DNAH6: variants seen among roughly 807,000 people sequenced by gnomAD.
DNAH6 encodes dynein axonemal heavy chain 6.
A neutral mutation model predicts 491.4 loss-of-function variants in DNAH6; 340 were observed. The ratio of observed to expected loss-of-function variants is 0.69; its 90% confidence interval spans 0.63 to 0.76. DNAH6 has a LOEUF of 0.76. Ranked by LOEUF, DNAH6 falls within the 30% of genes least tolerant of loss-of-function variation. The pLI is 0.00. For synonymous variants in DNAH6, 1,603 were observed against 1,686.1 expected (o/e 0.95, Z 1.21); for missense variants, 4,443 against 4,972.2 (o/e 0.89, Z 3.20).
At chr2:84,492,801 C>T in the DNAH6 span, among the ~76,000 whole-genome samples, 1 of 152,128 alleles carries the variant, frequency 6.6e-6, no homozygotes, top group Admixed American at 6.5e-5. Context: ...CATTTGAAAC[C>T]ACAATTTCTG....
At chr2:84,811,280 A>G (rs2105334926) in intron 72 of DNAH6, among the ~76,000 whole-genome samples, 1 of 152,338 alleles carries the variant, frequency 6.6e-6, no homozygotes, top group South Asian at 2.1e-4. Flanking sequence ...TGCTTAGTCA[A>G]CATAAATTTT....
At chr2:84,750,666 A>G (rs913315691) in intron 63 of DNAH6, 1 of 152,216 alleles carries the variant, frequency 6.6e-6, no homozygotes, top group African/African-American at 2.4e-5. Context: ...TGGGTGAAGC[A>G]TCAAGTTCAC....
At chr2:84,507,109 A>T in the DNAH6 span, among the ~76,000 whole-genome samples, 1 of 151,964 alleles carries the variant, frequency 6.6e-6, no homozygotes, top group African/African-American at 2.4e-5. Flanking sequence ...GAAGAAAGTC[A>T]TTGGTAGCTT....
the DNAH6 span, among the ~76,000 whole-genome samples, chr2:84,466,908 T>G: frequency 1.3e-5 from 2 of 152,250 alleles, no homozygotes; most frequent in African/African-American, 4.8e-5. Context: ...TTACTGATAA[T>G]GTACACTAAG....
At position 84,653,742 on chromosome 2, in the gene DNAH6, G is replaced by A. The variant is rs1203204942; in HGVS notation, c.5502G>A (p.Trp1834Ter). 1 of 1,551,264 alleles carries A rather than the reference G, an allele frequency of 6.4e-7. No individual in the cohort carries two copies. The highest frequency in any genetic ancestry group is 8.7e-7 in the Non-Finnish European group (1 of 1,146,662). Residue 1834 changes from tryptophan (W) to a stop codon, truncating the protein, a stop_gained, in exon 34 of 77, where the codon TGG (tryptophan) becomes TGA (stop). Coordinates refer to ENST00000389394, the MANE Select transcript of DNAH6 (RefSeq NM_001370.2). LOFTEE classifies it high-confidence loss of function. ...ATGATACTTCAGAAGACCATAAATG[G>A]ATCATCAGTGATGGGCCAGTAGATG... ...AVNDTSEDHK[W>*]IISDGPVDAL...
the DNAH6 span, among the ~76,000 whole-genome samples, chr2:84,486,282 A>G: frequency 6.6e-6 from 1 of 152,204 alleles, no homozygotes; most frequent in Non-Finnish European, 1.5e-5. Context: ...TACTTTAAGT[A>G]TGGAATACAA....
intron 63 of DNAH6, among the ~76,000 whole-genome samples, chr2:84,753,751 CTGTTA>C (rs1673698312): frequency 1.3e-5 from 1 of 76,114 alleles, no homozygotes; most frequent in Non-Finnish European, 2.4e-5. Flanking sequence ...GAGTGAAACT[CTGTTA>C]AAAAAAAAAA....
intron 52 of DNAH6, 64 bp downstream of exon 52, chr2:84,705,811 T>A: frequency 2.0e-6 from 3 of 1,482,494 alleles, no homozygotes; most frequent in Middle Eastern, 1.8e-4. Context: ...CATTTCAAGT[T>A]CTCTGTATAA....
intron 64 of DNAH6, among the ~76,000 whole-genome samples, chr2:84,767,138 A>G (rs930513926): frequency 1.3e-5 from 2 of 152,212 alleles, no homozygotes; most frequent in Non-Finnish European, 2.9e-5. Flanking sequence ...TAATGGATAT[A>G]CGACATTAAT....
Position 84,796,435 on chromosome 2 carries a change from T to TTTTCAATATTA in DNAH6, c.11359+11_11359+21dup. 1 of 1,493,588 alleles carries TTTTCAATATTA rather than the reference T, an allele frequency of 6.7e-7. No individual in the cohort carries two copies. The highest frequency in any genetic ancestry group is 9.0e-7 in the Non-Finnish European group (1 of 1,117,258). 92.5% of individuals were successfully genotyped at this position (1,493,588 alleles called of 1,614,324 possible). A position where few individuals can be genotyped will look rare whatever the true frequency, so the allele number is the denominator to read the frequency against. Reference sequence around the variant, plus strand: ...AAATACTCTGAATCAGGTGAATGACTTTTCAATATTACAGAAAAGGCCTTT... The same window carrying TTTTCAATATTA: ...AAATACTCTGAATCAGGTGAATGACTTTTCAATATTATTTCAATATTACAGAAAAGGCCTTT... On this transcript the variant is annotated intron_variant, in intron 69 of 76. Transcript: ENST00000389394.
In DNAH6 at chr2:84,759,168, GA is replaced by G. The variant is rs199742560; in HGVS notation, c.10513-3585del. Among the ~76,000 whole-genome samples, 193 of 150,608 alleles carry G rather than the reference GA, an allele frequency of 1.3e-3. 5 individuals carry two copies. The East Asian group carries it at 0.032, about 25-fold the overall frequency. On this transcript the variant is annotated intron_variant, in intron 63 of 76. Coordinates refer to ENST00000389394, the MANE Select transcript of DNAH6 (RefSeq NM_001370.2). Reference sequence around the variant, plus strand: ...TAGATATTGATAATGATCTAGCTGAGAATGAAATTAAGAAGGTAAACCCATT... The same window carrying G: ...TAGATATTGATAATGATCTAGCTGAGATGAAATTAAGAAGGTAAACCCATT...
At position 84,525,738 on chromosome 2, in the gene DNAH6, G is replaced by A; in HGVS notation, c.399G>A (p.Gln133=). The A allele has an allele frequency of 6.5e-7, 1 of 1,533,276 alleles. No individual in the cohort carries two copies. Among genetic ancestry groups the A allele is most frequent in the Admixed American group, 2.2e-5 (1 of 45,738 alleles). 95.0% of individuals were successfully genotyped at this position (1,533,276 alleles called of 1,614,324 possible). A position where few individuals can be genotyped will look rare whatever the true frequency, so the allele number is the denominator to read the frequency against. ...ATCAAGATGCTGTGAAAAAAATGCA[G>A]GTATAATATTAAAATACTTAATTGA... The part of the protein sequence containing the change: ...LEHQDAVKKM[Q]IHRPYVEVFS... Residue 133 remains glutamine, a splice_region_variant and synonymous_variant, in exon 3 of 77, where the codon CAG becomes CAA. Coordinates refer to ENST00000389394, the MANE Select transcript of DNAH6 (RefSeq NM_001370.2).
At position 84,686,576 on chromosome 2, in the gene DNAH6, C is replaced by T; in HGVS notation, c.7137+19C>T. The T allele has an allele frequency of 7.5e-7, 1 of 1,324,784 alleles. No individual in the cohort carries two copies. The highest frequency in any genetic ancestry group is 1.0e-6 in the Non-Finnish European group (1 of 959,292). 82.1% of individuals were successfully genotyped at this position (1,324,784 alleles called of 1,614,324 possible). A position where few individuals can be genotyped will look rare whatever the true frequency, so the allele number is the denominator to read the frequency against. ...CATTAAGGCAAGTATGTTAGATTGA[C>T]TTGACCTCATTTGAAAATTGTAAAG... On this transcript the variant is annotated intron_variant, in intron 44 of 76. Coordinates refer to ENST00000389394, the MANE Select transcript of DNAH6 (RefSeq NM_001370.2).
chr2:84,709,644 T>G, intron 55 of DNAH6, 98 bp downstream of exon 55: 1 of 1,321,934 alleles, frequency 7.6e-7, no homozygotes. Flanking sequence ...ACTTGGAGAT[T>G]TAGATTTAAC....
chr2:84,805,687 T>A lies in DNAH6; in HGVS notation c.11504T>A (p.Ile3835Asn). 6.4e-7 allele frequency: 1 copy of A among 1,551,650 alleles called. No individual in the cohort carries two copies. The highest frequency in any genetic ancestry group is 1.2e-5 in the South Asian group (1 of 83,972). The change falls in exon 71 of 77, where the codon ATC (isoleucine) becomes AAC (asparagine). Residue 3835 changes from isoleucine to asparagine, a missense_variant. Ile to Asn is a moderately radical substitution (Grantham distance 149). Transcript: ENST00000389394. Reference sequence around the variant, plus strand: ...CAGTACAAAGAGACCAGCACTTTAATCAACACCATACTTGAGGTTCAGCCA... The same window carrying A: ...CAGTACAAAGAGACCAGCACTTTAAACAACACCATACTTGAGGTTCAGCCA... ...VFQYKETSTL[I>N]NTILEVQPRS...
At chr2:84,482,605 C>T in the DNAH6 span, among the ~76,000 whole-genome samples, 1 of 152,276 alleles carries the variant, frequency 6.6e-6, no homozygotes, top group South Asian at 2.1e-4. Context: ...CACTGTCTCA[C>T]TCATGACAGG....
At chr2:84,806,460 A>C (rs1679416418) in intron 71 of DNAH6, among the ~76,000 whole-genome samples, 1 of 152,058 alleles carries the variant, frequency 6.6e-6, no homozygotes, top group African/African-American at 2.4e-5. Context: ...TCTACTAAAA[A>C]TACAAAAAAT....
intron 76 of DNAH6, among the ~76,000 whole-genome samples, chr2:84,818,344 C>CA (rs1463513140): frequency 6.6e-6 from 1 of 151,868 alleles, no homozygotes; most frequent in African/African-American, 2.4e-5. Context: ...CAAAAATTAG[C>CA]AAGGTGTGGT....
chr2:84,804,310 A>G (rs747327855), intron 70 of DNAH6, among the ~76,000 whole-genome samples: 2 of 152,084 alleles, frequency 1.3e-5, no homozygotes, highest in Non-Finnish European at 2.9e-5. Flanking sequence ...CATAATTAGT[A>G]TCACATTGTC....
Sources: allele counts gnomAD v4.1 joint callset (sites outside exome capture counted in the v4.1 genomes callset), GRCh38; gene constraint gnomAD v4.1.1; transcripts MANE v1.5; gene names NCBI Gene and HGNC (gene_info 2026-07-23, HGNC 2026-07-21).